KIRREL3: variants seen among roughly 807,000 people sequenced by gnomAD.
KIRREL3 encodes kin of IRRE-like protein 3.
In KIRREL3, 36 loss-of-function variants were observed where a neutral mutation model predicts 89.7. The ratio of observed to expected loss-of-function variants is 0.40; its 90% CI spans 0.31 to 0.53. The LOEUF (loss-of-function observed/expected upper bound fraction) is 0.53. KIRREL3 is among the 20% of genes least tolerant of loss of function. The pLI is 0.49. For synonymous variants in KIRREL3, 445 were observed against 441.4 expected (o/e 1.01, Z -0.10); for missense variants, 864 against 1,056.6 (o/e 0.82, Z 2.53).
upstream of KIRREL3, among the ~76,000 whole-genome samples, chr11:127,001,872 T>C (rs1367108328): frequency 6.6e-6 from 1 of 151,290 alleles, no homozygotes; most frequent in Non-Finnish European, 1.5e-5. Flanking sequence ...CACAGAAAAA[T>C]ATTCAACGTT....
rs964064115 is a variant in KIRREL3 at position 126,569,448 on chromosome 11, G to A, written c.56-6536C>T. Among the ~76,000 whole-genome samples the A allele has an allele frequency of 1.3e-5, 2 of 152,224 alleles. No individual in the cohort carries two copies. The highest frequency in any genetic ancestry group is 2.4e-5 in the African/African-American group (1 of 41,458). On this transcript the variant is annotated intron_variant, in intron 1 of 16. Transcript: ENST00000525144. The surrounding 1 kb of genome is among the most constrained non-coding windows in gnomAD (Gnocchi z 6.5). The stretch of plus-strand genomic sequence containing the variant: ...CTGGAACCAGGACACATTAATAAAT[G>A]TGACTGGTGTAAAGTCCAAGGCACA...
At chr11:126,512,718 C>T (rs1337340485) in intron 4 of KIRREL3, among the ~76,000 whole-genome samples, 5 of 152,272 alleles carry the variant, frequency 3.3e-5, no homozygotes, top group South Asian at 4.1e-4. Context: ...GTTGAGCCTG[C>T]TCAGCATCTC....
At chr11:126,556,974 A>G (rs978743272) in intron 2 of KIRREL3, among the ~76,000 whole-genome samples, 28 of 152,226 alleles carry the variant, frequency 1.8e-4, no homozygotes, top group African/African-American at 5.5e-4. Context: ...CAAAGCCCCA[A>G]CTAACAAAAT....
Position 126,463,376 on chromosome 11 carries a change from G to T in KIRREL3, c.592-69C>A. ...GCTGGGGTGGCCAGCCTGGGTTGGG[G>T]GTAAACGAGCACCAGCTTAGACAGA... On this transcript the variant is annotated intron_variant, in intron 5 of 16. Coordinates refer to ENST00000525144, the MANE Select transcript of KIRREL3 (RefSeq NM_032531.4). The surrounding 1 kb of genome is among the most constrained non-coding windows in gnomAD (Gnocchi z 5.9). 6.7e-7 allele frequency: 1 copy of T among 1,499,418 alleles called. No individual in the cohort carries two copies. The highest frequency in any genetic ancestry group is 9.1e-7 in the Non-Finnish European group (1 of 1,098,610). 92.9% of individuals were successfully genotyped at this position (1,499,418 alleles called of 1,614,324 possible).
Position 126,514,912 on chromosome 11 carries a change from C to T in KIRREL3, c.433+6403G>A, listed in dbSNP as rs1565514777. Among the ~76,000 whole-genome samples the T allele has an allele frequency of 2.6e-5, 4 of 152,170 alleles. No homozygotes were observed. In the South Asian group the frequency reaches 8.3e-4, roughly 32 times the overall value. On this transcript the variant is annotated intron_variant, in intron 4 of 16. Coordinates refer to ENST00000525144, the MANE Select transcript of KIRREL3 (RefSeq NM_032531.4). ...TGTTTGGGGCTTACTATCTGCCAGA[C>T]TCTGTTCTCTGTCGTCAGATTCAGT... is the stretch of plus-strand genomic sequence containing the variant.
intron 1 of KIRREL3, among the ~76,000 whole-genome samples, chr11:126,741,758 G>A (rs912577741): frequency 1.3e-5 from 2 of 152,228 alleles, no homozygotes; most frequent in African/African-American, 4.8e-5. Flanking sequence ...TAGTTCAGTA[G>A]GTCAGGGTTA....
At chr11:126,875,524 T>C (rs992826457) in intron 1 of KIRREL3, among the ~76,000 whole-genome samples, 20 of 152,244 alleles carry the variant, frequency 1.3e-4, no homozygotes, top group Non-Finnish European at 2.4e-4. Context: ...ATAATTTTAA[T>C]GCCAGCAGAA....
chr11:126,643,746 C>G lies in KIRREL3; in HGVS notation c.56-80834G>C, dbSNP rs189722011. 2.0e-4 allele frequency among the ~76,000 whole-genome samples: 31 copies of G among 151,692 alleles called. No homozygotes were observed. Among genetic ancestry groups the G allele is most frequent in the Non-Finnish European group, 4.3e-4 (29 of 67,970 alleles). The stretch of plus-strand genomic sequence containing the variant: ...GGCAGCAGTAATCTCAGTGAGATTA[C>G]GTGAGGATTTTAACAAAGCTGGTGA... On this transcript the variant is annotated intron_variant, in intron 1 of 16. Transcript: ENST00000525144. This position sits in a 1 kb window ranked among gnomAD's most constrained non-coding sequence, Gnocchi z 4.5.
rs553933745 is a variant in KIRREL3, at chr11:126,724,533, G to A, written c.56-161621C>T. ...CTGGGAGGGACTGCCCTTGAGATGG[G>A]TGGGCTCCATGAATTTCCAGCTGAA... On this transcript the variant is annotated intron_variant, in intron 1 of 16. Transcript: ENST00000525144. This position sits in a 1 kb window ranked among gnomAD's most constrained non-coding sequence, Gnocchi z 4.3. Among the ~76,000 whole-genome samples, 1 of 152,330 alleles carries A rather than the reference G, an allele frequency of 6.6e-6. No individual in the cohort carries two copies. Among genetic ancestry groups the A allele is most frequent in the South Asian group, 2.1e-4 (1 of 4,832 alleles).
At position 126,561,254 on chromosome 11, in the gene KIRREL3, C is replaced by T. The variant is rs571057210; in HGVS notation, c.133+1581G>A. Among the ~76,000 whole-genome samples the T allele has an allele frequency of 6.6e-6, 1 of 152,306 alleles. No individual in the cohort carries two copies. The highest frequency in any genetic ancestry group is 1.9e-4 in the East Asian group (1 of 5,186). On this transcript the variant is annotated intron_variant, in intron 2 of 16. Transcript: ENST00000525144. This position sits in a 1 kb window ranked among gnomAD's most constrained non-coding sequence, Gnocchi z 4.5. The stretch of plus-strand genomic sequence containing the variant: ...CCCCACTGCCTCACCCTCCTCTTAC[C>T]CTGTCTCTGAGTTGTTAGTTGAGAT...
At chr11:126,894,542 CAAAAAAAAA>C (rs10630231) in intron 1 of KIRREL3, among the ~76,000 whole-genome samples, 6 of 17,480 alleles carry the variant, frequency 3.4e-4, no homozygotes, top group African/African-American at 7.5e-4. Context: ...GACCTCATCT[CAAAAAAAAA>C]AAAAAAAAAA....
Position 126,668,364 on chromosome 11 carries a change from C to T in KIRREL3, c.56-105452G>A, listed in dbSNP as rs547148712. On this transcript the variant is annotated intron_variant, in intron 1 of 16. Transcript: ENST00000525144. The surrounding 1 kb of genome is among the most constrained non-coding windows in gnomAD (Gnocchi z 4.4). ...AAGGCCTCACCTCCTAATACCGTAG[C>T]CTTGGAGGTGAGAATTTTAGCTTAT... 6.6e-6 allele frequency among the ~76,000 whole-genome samples: 1 copy of T among 152,264 alleles called. No individual in the cohort carries two copies. Among genetic ancestry groups the T allele is most frequent in the Admixed American group, 6.5e-5 (1 of 15,292 alleles).
At chr11:126,849,058 G>A (rs904594617) in intron 1 of KIRREL3, among the ~76,000 whole-genome samples, 3 of 152,194 alleles carry the variant, frequency 2.0e-5, no homozygotes, top group Non-Finnish European at 2.9e-5. Flanking sequence ...TGCATTCCCA[G>A]TAAGTGAAGG....
At chr11:126,725,295 T>C (rs1189105475) in intron 1 of KIRREL3, among the ~76,000 whole-genome samples, 1 of 152,056 alleles carries the variant, frequency 6.6e-6, no homozygotes, top group Non-Finnish European at 1.5e-5. Context: ...TGCCAAGAGA[T>C]CAAAGATATG....
At position 126,993,072 on chromosome 11, in the gene KIRREL3, A is replaced by G. The variant is rs1950082301; in HGVS notation, c.55+7383T>C. ...CAGCTAGAAAGAACGATTAAAAAGTATATTTCCATTCAATTTTACATTTTT... is the reference window on the plus strand; with the variant it reads ...CAGCTAGAAAGAACGATTAAAAAGTGTATTTCCATTCAATTTTACATTTTT... On this transcript the variant is annotated intron_variant, in intron 1 of 16. Coordinates refer to ENST00000525144, the MANE Select transcript of KIRREL3 (RefSeq NM_032531.4). This position sits in a 1 kb window ranked among gnomAD's most constrained non-coding sequence, Gnocchi z 6.1. 6.6e-6 allele frequency among the ~76,000 whole-genome samples: 1 copy of G among 152,052 alleles called. No individual in the cohort carries two copies. Among genetic ancestry groups the G allele is most frequent in the Non-Finnish European group, 1.5e-5 (1 of 67,960 alleles).
At chr11:126,425,869 G>A in intron 15 of KIRREL3, 145 bp from the exon 16 acceptor site, 3 of 643,300 alleles carry the variant, frequency 4.7e-6, no homozygotes, top group South Asian at 2.2e-5. Context: ...AAAGAGTCAA[G>A]ATGAGTTCCT....
At position 126,555,845 on chromosome 11, in the gene KIRREL3, A is replaced by AGC; in HGVS notation, c.133+6989_133+6990insGC. Reference sequence around the variant, plus strand: ...AACCTCCGCCTCCCAGGTTCAAGTGACTCTCCTGCCTCAGCCTCCCAAGTA... The same window carrying AGC: ...AACCTCCGCCTCCCAGGTTCAAGTGAGCCTCTCCTGCCTCAGCCTCCCAAGTA... On this transcript the variant is annotated intron_variant, in intron 2 of 16. Coordinates refer to ENST00000525144, the MANE Select transcript of KIRREL3 (RefSeq NM_032531.4). The surrounding 1 kb of genome is among the most constrained non-coding windows in gnomAD (Gnocchi z 4.2). Among the ~76,000 whole-genome samples the AGC allele has an allele frequency of 6.7e-6, 1 of 149,508 alleles. No individual in the cohort carries two copies. Among genetic ancestry groups the AGC allele is most frequent in the East Asian group, 2.0e-4 (1 of 5,054 alleles).
At position 126,608,403 on chromosome 11, in the gene KIRREL3, G is replaced by C. The variant is rs183352481; in HGVS notation, c.56-45491C>G. 7.3e-4 allele frequency among the ~76,000 whole-genome samples: 111 copies of C among 152,274 alleles called. No individual in the cohort carries two copies. Among genetic ancestry groups the C allele is most frequent in the Non-Finnish European group, 1.2e-3 (80 of 68,018 alleles). The stretch of plus-strand genomic sequence containing the variant: ...TATCGAGCTGAATTAAGCTGCCTAA[G>C]ATCACCTCATTAAATTCACTAACCT... On this transcript the variant is annotated intron_variant, in intron 1 of 16. Transcript: ENST00000525144. This position sits in a 1 kb window ranked among gnomAD's most constrained non-coding sequence, Gnocchi z 4.9.
intron 1 of KIRREL3, among the ~76,000 whole-genome samples, chr11:126,728,619 G>A (rs937948170): frequency 2.7e-4 from 41 of 152,206 alleles, no homozygotes; most frequent in African/African-American, 8.2e-4. Flanking sequence ...AGTGGGGCCA[G>A]TGTAGGGCCC....
Sources: allele counts gnomAD v4.1 joint callset (sites outside exome capture counted in the v4.1 genomes callset), GRCh38; gene constraint gnomAD v4.1.1; non-coding constraint Gnocchi (gnomAD v3.1); transcripts MANE v1.5; gene names NCBI Gene and HGNC (gene_info 2026-07-23, HGNC 2026-07-21).